Variants in PTDSS2 observed in about 807,000 individuals in gnomAD.
PTDSS2 encodes the protein PSS-2.
In PTDSS2, 41 loss-of-function variants were observed where a neutral mutation model predicts 64.7. That is an observed-to-expected ratio of 0.63 (90% confidence interval 0.49 to 0.82). The LOEUF is 0.82. Ranked by LOEUF, PTDSS2 falls within the 40% of genes least tolerant of loss-of-function variation. The pLI is 0.00. For missense variants in PTDSS2, 485 were observed against 650.0 expected (o/e 0.75, Z 2.76); for synonymous variants, 297 against 277.8 (o/e 1.07, Z -0.69).
chr11:460,797 G>A lies in PTDSS2; in HGVS notation c.284+509G>A, dbSNP rs1303293498. The A allele has an allele frequency of 6.5e-6, 1 of 154,490 alleles. No homozygotes were observed. Among genetic ancestry groups the A allele is most frequent in the Admixed American group, 6.4e-5 (1 of 15,712 alleles). The allele number at this position is 154,490 out of a possible 1,614,324, so 9.6% of individuals were successfully genotyped here. On this transcript the variant is annotated intron_variant, in intron 2 of 11. Transcript: ENST00000308020. The surrounding 1 kb of genome is among the most constrained non-coding windows in gnomAD (Gnocchi z 5.8). ...CAGGCAGGCAGGCTAGACCTTGGGT[G>A]TGTCCTCTGCCTGAATTCCATGGAT...
chr11:488,733 A>G (rs1258119879), intron 8 of PTDSS2, 86 bp downstream of exon 8: 2 of 971,762 alleles, frequency 2.1e-6, no homozygotes, highest in African/African-American at 1.6e-5. Context: ...GACCCCGAGC[A>G]CCAGGCCCGT....
chr11:487,548 G>T, intron 6 of PTDSS2, 78 bp downstream of exon 6: 1 of 1,374,316 alleles, frequency 7.3e-7, no homozygotes. Context: ...TCTGTCCATG[G>T]AGTTGAGCTC....
At chr11:469,473 C>G (rs999210178) in intron 2 of PTDSS2, among the ~76,000 whole-genome samples, 2 of 140,774 alleles carry the variant, frequency 1.4e-5, no homozygotes, top group African/African-American at 2.7e-5. Context: ...AGGGCAGTCT[C>G]TGGGTAATCG....
At chr11:452,032 CAGCACAGCTGGGGACCACCGG>C (rs988834728) in intron 1 of PTDSS2, among the ~76,000 whole-genome samples, 15 of 152,132 alleles carry the variant, frequency 9.9e-5, no homozygotes, top group African/African-American at 3.4e-4. Context: ...TGTCCTCCCG[CAGCACAGCTGGGGACCACCGG>C]AGTCTCTGAG....
intron 3 of PTDSS2, among the ~76,000 whole-genome samples, chr11:478,666 C>T (rs1010900435): frequency 2.0e-5 from 3 of 151,672 alleles, no homozygotes; most frequent in Admixed American, 6.6e-5. Context: ...ATCACTTGAA[C>T]CTGGAGGTGA....
At position 490,604 on chromosome 11, in the gene PTDSS2, G is replaced by C. The variant is rs1313395144; in HGVS notation, c.*22G>C. 10 of 1,552,516 alleles carry C rather than the reference G, an allele frequency of 6.4e-6. No individual in the cohort carries two copies. In the African/African-American group the frequency reaches 1.1e-4, roughly 17 times the overall value. On this transcript the variant is annotated 3_prime_UTR_variant, in exon 12 of 12. Transcript: ENST00000308020. Reference sequence around the variant, plus strand: ...CTGACCTGGGCCGTGGCTGCCTCGTGAGCCTCCCAGAGCCCAGGCCTCCGT... The same window carrying C: ...CTGACCTGGGCCGTGGCTGCCTCGTCAGCCTCCCAGAGCCCAGGCCTCCGT...
chr11:448,726 C>T (rs1254008784), upstream of PTDSS2, among the ~76,000 whole-genome samples: 3 of 152,176 alleles, frequency 2.0e-5, no homozygotes, highest in Non-Finnish European at 4.4e-5. Context: ...GTGCAGGAGC[C>T]CCGCAAATAT....
chr11:477,296 C>T (rs1050440365), intron 3 of PTDSS2, among the ~76,000 whole-genome samples: 1 of 152,230 alleles, frequency 6.6e-6, no homozygotes, highest in African/African-American at 2.4e-5. Flanking sequence ...GCATTTTCTT[C>T]CTGGCTCCCT....
intron 4 of PTDSS2, chr11:480,558 C>G (rs1406704507): frequency 6.3e-6 from 1 of 157,932 alleles, no homozygotes; most frequent in African/African-American, 2.4e-5. Flanking sequence ...GCTCCTCTTT[C>G]TTTTACTATT....
chr11:452,789 C>T (rs1846401309), intron 1 of PTDSS2, among the ~76,000 whole-genome samples: 1 of 152,334 alleles, frequency 6.6e-6, no homozygotes, highest in Non-Finnish European at 1.5e-5. Context: ...CCTGCAGAGC[C>T]TCACACTGAC....
In PTDSS2 at chr11:473,939, C is replaced by T. The variant is rs1452471823; in HGVS notation, c.329C>T (p.Thr110Ile). The change falls in exon 3 of 12, where the codon ACA (threonine) becomes ATA (isoleucine). Residue 110 changes from threonine (T) to isoleucine (I), a missense_variant. Coordinates refer to ENST00000308020, the MANE Select transcript of PTDSS2 (RefSeq NM_030783.3). ...TTGGTTTTCTTATGTTTTGGAGTCA[C>T]ACAAGCTAAAGACGGGCCATTTTCC... ...SILVFLCFGVTQAKDGPFSRP... is the reference protein window; with the variant it reads ...SILVFLCFGVIQAKDGPFSRP... 6.2e-7 allele frequency: 1 copy of T among 1,614,038 alleles called. No homozygotes were observed. The highest frequency in any genetic ancestry group is 1.3e-5 in the African/African-American group (1 of 74,922).
At chr11:471,299 C>T (rs564046918) in intron 2 of PTDSS2, among the ~76,000 whole-genome samples, 11 of 151,884 alleles carry the variant, frequency 7.2e-5, no homozygotes, top group Admixed American at 5.9e-4. Context: ...AGTTTCATGT[C>T]GGCCAGGCTG....
At chr11:482,808 G>A (rs1286563293) in intron 4 of PTDSS2, among the ~76,000 whole-genome samples, 9 of 142,440 alleles carry the variant, frequency 6.3e-5, no homozygotes, top group African/African-American at 1.9e-4. Flanking sequence ...GAGTGGAGAA[G>A]GTTCTGTGAG....
rs139208114 is a variant in PTDSS2, at chr11:470,261, C to T, written c.285-3634C>T. ...CTGGTCATGTTCATGGCGTGGCCGA[C>T]GGGGAGGCTGCTGCCCCATCCTCCC... On this transcript the variant is annotated intron_variant, in intron 2 of 11. Transcript: ENST00000308020. The surrounding 1 kb of genome is among the most constrained non-coding windows in gnomAD (Gnocchi z 5.3). 0.014 allele frequency among the ~76,000 whole-genome samples: 2,086 copies of T among 152,294 alleles called. 16 individuals carry two copies. Among genetic ancestry groups the T allele is most frequent in the South Asian group, 0.032 (154 of 4,830 alleles).
In PTDSS2 at chr11:490,670, G is replaced by A. The variant is rs566377147; in HGVS notation, c.*88G>A. On this transcript the variant is annotated 3_prime_UTR_variant, in exon 12 of 12. Transcript: ENST00000308020. The stretch of plus-strand genomic sequence containing the variant: ...GAGTCCCACCAGGAGCCACGTGCCC[G>A]GCCTTGCCCTCAAGGTTTTTTGCTT... The A allele has an allele frequency of 3.2e-5, 44 of 1,369,748 alleles. No homozygotes were observed. The highest frequency in any genetic ancestry group is 3.1e-4 in the African/African-American group (21 of 68,618). The allele number at this position is 1,369,748 out of a possible 1,614,324, so 84.8% of individuals were successfully genotyped here. A position where few individuals can be genotyped will look rare whatever the true frequency, so the allele number is the denominator to read the frequency against.
upstream of PTDSS2, among the ~76,000 whole-genome samples, chr11:449,147 A>G (rs890891853): frequency 1.4e-5 from 2 of 146,800 alleles, no homozygotes; most frequent in Non-Finnish European, 3.0e-5. Flanking sequence ...GGCTCACTGC[A>G]ACCTCCACCT....
intron 2 of PTDSS2, among the ~76,000 whole-genome samples, chr11:472,524 G>A (rs1474743416): frequency 1.3e-5 from 2 of 152,164 alleles, no homozygotes; most frequent in Non-Finnish European, 2.9e-5. Context: ...TGAATGTCCT[G>A]CCGAGGGTGA....
chr11:449,987 G>C (rs1291517702), upstream of PTDSS2, among the ~76,000 whole-genome samples: 2 of 152,182 alleles, frequency 1.3e-5, no homozygotes, highest in Non-Finnish European at 2.9e-5. Context: ...GAAGGGTCGG[G>C]AAGCGCCCCA....
At position 479,198 on chromosome 11, in the gene PTDSS2, TG is replaced by T; in HGVS notation, c.435+47del. On this transcript the variant is annotated intron_variant, in intron 4 of 11. Coordinates refer to ENST00000308020, the MANE Select transcript of PTDSS2 (RefSeq NM_030783.3). The surrounding 1 kb of genome is among the most constrained non-coding windows in gnomAD (Gnocchi z 4.2). ...GGATACCTGGGAACTTAGGTGACAG[TG>T]TGGCCCCAGGCATGGTGACAAAGGA... The T allele has an allele frequency of 6.7e-7, 1 of 1,491,862 alleles. No individual in the cohort carries two copies. The highest frequency in any genetic ancestry group is 9.4e-7 in the Non-Finnish European group (1 of 1,068,368). The allele number at this position is 1,491,862 out of a possible 1,614,324, so 92.4% of individuals were successfully genotyped here.
Sources: allele counts gnomAD v4.1 joint callset (sites outside exome capture counted in the v4.1 genomes callset), GRCh38; gene constraint gnomAD v4.1.1; non-coding constraint Gnocchi (gnomAD v3.1); transcripts MANE v1.5; gene names NCBI Gene and HGNC (gene_info 2026-07-23, HGNC 2026-07-21).